The following SHISA6 variants were observed in gnomAD, a reference collection of about 807,000 sequenced individuals.
SHISA6 encodes shisa family member 6.
A neutral mutation model predicts 47.9 loss-of-function variants in SHISA6; 22 were observed. That is an observed-to-expected ratio of 0.46 (90% CI 0.33 to 0.66). The LOEUF (loss-of-function observed/expected upper bound fraction) is 0.66. Among genes scored for constraint, SHISA6 ranks in the 30% least tolerant of loss-of-function variants. The pLI is 0.02. For synonymous variants in SHISA6, 388 were observed against 337.8 expected (o/e 1.15, Z -1.63); for missense variants, 680 against 764.6 (o/e 0.89, Z 1.30).
At chr17:11,538,841 G>T (rs1298595874) in intron 3 of SHISA6, among the ~76,000 whole-genome samples, 1 of 152,168 alleles carries the variant, frequency 6.6e-6, no homozygotes, top group East Asian at 1.9e-4. Flanking sequence ...GGAGAAACCA[G>T]GTTATCATAG....
intron 5 of SHISA6, 63 bp from the exon 6 acceptor site, chr17:11,557,691 T>A (rs990283800): frequency 5.4e-5 from 78 of 1,454,890 alleles, no homozygotes; most frequent in Non-Finnish European, 6.8e-5. Context: ...GGCAGGGTTC[T>A]ATCTGAGTCC....
intron 1 of SHISA6, among the ~76,000 whole-genome samples, chr17:11,252,078 G>T (rs1567699684): frequency 6.6e-6 from 1 of 152,068 alleles, no homozygotes; most frequent in Non-Finnish European, 1.5e-5. Flanking sequence ...GTCCCTGCTT[G>T]ACTCATGCCT....
At chr17:11,544,290 G>GA (rs1463938892) in intron 3 of SHISA6, among the ~76,000 whole-genome samples, 1 of 152,094 alleles carries the variant, frequency 6.6e-6, no homozygotes, top group African/African-American at 2.4e-5. Flanking sequence ...GTATGCACTG[G>GA]AAAAACTATT....
At chr17:11,318,917 CA>C (rs1910613045) in intron 2 of SHISA6, among the ~76,000 whole-genome samples, 1 of 152,146 alleles carries the variant, frequency 6.6e-6, no homozygotes, top group Admixed American at 6.6e-5. Flanking sequence ...AAACTATCTG[CA>C]GTGGCTTTTA....
chr17:11,404,382 G>A (rs1913878424), intron 3 of SHISA6, among the ~76,000 whole-genome samples: 2 of 152,204 alleles, frequency 1.3e-5, no homozygotes, highest in Non-Finnish European at 2.9e-5. Context: ...AGACAGTCTA[G>A]GGACTTCATG....
intron 3 of SHISA6, among the ~76,000 whole-genome samples, chr17:11,531,627 A>C (rs1162733805): frequency 6.6e-6 from 1 of 152,202 alleles, no homozygotes; most frequent in Non-Finnish European, 1.5e-5. Flanking sequence ...GATTAAATAC[A>C]GCAATATATG....
intron 2 of SHISA6, among the ~76,000 whole-genome samples, chr17:11,274,180 C>A (rs910475951): frequency 2.6e-5 from 4 of 152,144 alleles, no homozygotes; most frequent in African/African-American, 9.7e-5. Context: ...AGGAGGCAGC[C>A]CGAATTGGGG....
chr17:11,332,656 A>G (rs113936413), intron 2 of SHISA6, among the ~76,000 whole-genome samples: 23 of 152,244 alleles, frequency 1.5e-4, no homozygotes, highest in African/African-American at 5.5e-4. Context: ...ACTAGGCTCC[A>G]TGGAAATTCA....
intron 1 of SHISA6, among the ~76,000 whole-genome samples, chr17:11,261,005 A>G (rs1471611715): frequency 6.6e-6 from 1 of 152,178 alleles, no homozygotes; most frequent in African/African-American, 2.4e-5. Flanking sequence ...CCTCCGGCAT[A>G]TTCAAGTTAA....
rs1049857177 is a variant in SHISA6, at chr17:11,369,854, G to A, written c.800-9560G>A. Among the ~76,000 whole-genome samples, 29 of 152,146 alleles carry A rather than the reference G, an allele frequency of 1.9e-4. 1 individual carries two copies. Among genetic ancestry groups the A allele is most frequent in the Admixed American group, 6.5e-5 (1 of 15,272 alleles). On this transcript the variant is annotated intron_variant, in intron 2 of 5. Transcript: ENST00000441885. ...CATATCTGAGGAGAAAATAAATGGC[G>A]CGCTGGGGTCCCCTGAAATAGAACT...
At chr17:11,342,421 A>C (rs1017517632) in intron 2 of SHISA6, among the ~76,000 whole-genome samples, 5 of 151,928 alleles carry the variant, frequency 3.3e-5, no homozygotes, top group African/African-American at 1.2e-4. Flanking sequence ...GGGACGGTGG[A>C]GATATGGAGA....
chr17:11,350,325 G>A (rs1313344732), intron 2 of SHISA6, among the ~76,000 whole-genome samples: 1 of 6,266 alleles, frequency 1.6e-4, no homozygotes, highest in African/African-American at 2.8e-4. Context: ...GACTACAGGC[G>A]CCTGCCACCA....
At chr17:11,267,654 A>C (rs781489614) in intron 2 of SHISA6, among the ~76,000 whole-genome samples, 13 of 152,210 alleles carry the variant, frequency 8.5e-5, no homozygotes, top group Admixed American at 5.9e-4. Context: ...AAGCTGTCAA[A>C]TAAGGAAAAG....
At chr17:11,339,963 A>G (rs1191814315) in intron 2 of SHISA6, among the ~76,000 whole-genome samples, 6 of 152,214 alleles carry the variant, frequency 3.9e-5, no homozygotes, top group African/African-American at 1.4e-4. Flanking sequence ...GGAGGACCCT[A>G]GATGACCCAG....
chr17:11,403,888 G>T lies in SHISA6; in HGVS notation c.895+24379G>T, dbSNP rs186569310. On this transcript the variant is annotated intron_variant, in intron 3 of 5. Transcript: ENST00000441885. ...AGAGACCTCCTGCCAGTCAGCCCAG[G>T]CATGTCCCCATGGGGCCACTCAGGA... Among the ~76,000 whole-genome samples, 287 of 152,290 alleles carry T rather than the reference G, an allele frequency of 1.9e-3. 2 individuals carry two copies. The highest frequency in any genetic ancestry group is 6.4e-3 in the African/African-American group (266 of 41,562).
intron 2 of SHISA6, among the ~76,000 whole-genome samples, chr17:11,306,704 T>C (rs1027950512): frequency 2.0e-5 from 3 of 152,228 alleles, no homozygotes; most frequent in African/African-American, 4.8e-5. Context: ...GTCCAGTCCT[T>C]CTTTGGCAAT....
chr17:11,252,643 G>A (rs1331889768), intron 1 of SHISA6, among the ~76,000 whole-genome samples: 1 of 152,284 alleles, frequency 6.6e-6, no homozygotes, highest in Non-Finnish European at 1.5e-5. Context: ...GAAGGGAGTC[G>A]CCAGGGGAGT....
At chr17:11,316,354 A>G (rs867365181) in intron 2 of SHISA6, among the ~76,000 whole-genome samples, 2 of 139,060 alleles carry the variant, frequency 1.4e-5, no homozygotes, top group African/African-American at 5.5e-5. Context: ...TTTGTATTCA[A>G]TGGGAATCTC....
chr17:11,376,382 A>G (rs926736290), intron 2 of SHISA6, among the ~76,000 whole-genome samples: 1 of 146,972 alleles, frequency 6.8e-6, no homozygotes, highest in African/African-American at 2.5e-5. Context: ...CAGTGGCGCG[A>G]TCTGAGCTCA....
Sources: gnomAD v4.1 joint callset for allele counts (sites outside exome capture counted in the v4.1 genomes callset) on GRCh38, gnomAD v4.1.1 for gene constraint, MANE v1.5 for transcripts, NCBI Gene and HGNC (gene_info 2026-07-23, HGNC 2026-07-21) for gene names.